The following CHCHD3 variants were observed in gnomAD, a reference collection of about 807,000 sequenced individuals.
The protein encoded by CHCHD3 is coiled-coil-helix-coiled-coil-helix domain containing 3.
Under a neutral mutation model 38.2 loss-of-function variants are expected in CHCHD3, and 20 were observed. The observed-to-expected ratio is 0.52, with a 90% confidence interval of 0.37 to 0.76. The LOEUF is 0.76. Among genes scored for constraint, CHCHD3 ranks in the 30% least tolerant of loss-of-function variants. The pLI is 0.00. For synonymous variants in CHCHD3, 82 were observed against 100.0 expected (o/e 0.82, Z 1.07); for missense variants, 245 against 279.2 (o/e 0.88, Z 0.87).
chr7:132,839,858 G>A (rs925672744), intron 5 of CHCHD3, among the ~76,000 whole-genome samples: 8 of 152,138 alleles, frequency 5.3e-5, no homozygotes, highest in African/African-American at 1.9e-4. Flanking sequence ...AGTCCCCTAC[G>A]ATGCTAACAT....
At chr7:132,974,863 G>C (rs1348341742) in intron 4 of CHCHD3, among the ~76,000 whole-genome samples, 2 of 150,132 alleles carry the variant, frequency 1.3e-5, no homozygotes, top group Non-Finnish European at 3.0e-5. Flanking sequence ...GACAGAGCAA[G>C]ACTCCGTCTC....
rs140923350 is a variant in CHCHD3 at position 132,896,449 on chromosome 7, G to A, written c.370-10704C>T. Reference sequence around the variant, plus strand: ...TTCCATTATAACTTACAAGTTTCATGTTACAAAGTAACATGACATTTCAAC... The same window carrying A: ...TTCCATTATAACTTACAAGTTTCATATTACAAAGTAACATGACATTTCAAC... On this transcript the variant is annotated intron_variant, in intron 4 of 7. Coordinates refer to ENST00000262570, the MANE Select transcript of CHCHD3 (RefSeq NM_017812.4). Among the ~76,000 whole-genome samples, 582 of 152,208 alleles carry A rather than the reference G, an allele frequency of 3.8e-3. 5 individuals are homozygous for A. Among genetic ancestry groups the A allele is most frequent in the African/African-American group, 0.014 (567 of 41,534 alleles).
At chr7:132,794,689 G>A (rs1806559789) in intron 7 of CHCHD3, among the ~76,000 whole-genome samples, 1 of 152,126 alleles carries the variant, frequency 6.6e-6, no homozygotes, top group African/African-American at 2.4e-5. Flanking sequence ...AAAAAAGAGG[G>A]TCTCTTTTGA....
chr7:132,985,207 T>G (rs1333588619), intron 3 of CHCHD3, among the ~76,000 whole-genome samples: 2 of 64,062 alleles, frequency 3.1e-5, no homozygotes, highest in East Asian at 6.9e-4. Context: ...GGTGGGGGGG[T>G]TAGCCCCCCG....
intron 4 of CHCHD3, among the ~76,000 whole-genome samples, chr7:132,930,225 G>A (rs1810483493): frequency 1.4e-5 from 2 of 146,924 alleles, no homozygotes; most frequent in Non-Finnish European, 1.5e-5. Context: ...GGAGTGCAGT[G>A]GTGCAATCTC....
intron 5 of CHCHD3, among the ~76,000 whole-genome samples, chr7:132,842,285 T>C (rs765787323): frequency 9.2e-5 from 14 of 152,284 alleles, no homozygotes; most frequent in Non-Finnish European, 1.6e-4. Context: ...AATACTAAAC[T>C]GTTGCAGTGT....
chr7:133,039,745 A>T (rs535522342), intron 2 of CHCHD3, among the ~76,000 whole-genome samples: 1 of 152,318 alleles, frequency 6.6e-6, no homozygotes, highest in East Asian at 1.9e-4. Flanking sequence ...CCCTCCAATA[A>T]CTGAAACTCA....
chr7:132,818,224 C>T (rs1363933228), intron 6 of CHCHD3, among the ~76,000 whole-genome samples: 1 of 152,206 alleles, frequency 6.6e-6, no homozygotes, highest in Admixed American at 6.5e-5. Flanking sequence ...TACAGCCTGC[C>T]TGACAATAAA....
chr7:133,022,328 T>A, intron 3 of CHCHD3: 5 of 454,604 alleles, frequency 1.1e-5, no homozygotes, highest in South Asian at 7.8e-5. Context: ...ATATACCATA[T>A]GAGTAACAGT....
intron 5 of CHCHD3, among the ~76,000 whole-genome samples, chr7:132,870,336 C>G (rs1034865440): frequency 7.7e-6 from 1 of 130,144 alleles, no homozygotes; most frequent in Admixed American, 9.7e-5. Flanking sequence ...GGTGACACTG[C>G]GAGACCTATC....
chr7:133,035,342 G>T lies in CHCHD3; in HGVS notation c.170-10715C>A. 6.2e-7 allele frequency: 1 copy of T among 1,610,278 alleles called. No homozygotes were observed. Among genetic ancestry groups the T allele is most frequent in the Non-Finnish European group, 8.5e-7 (1 of 1,176,560 alleles). On this transcript the variant is annotated intron_variant, in intron 2 of 7. Coordinates refer to ENST00000262570, the MANE Select transcript of CHCHD3 (RefSeq NM_017812.4). The surrounding 1 kb of genome is among the most constrained non-coding windows in gnomAD (Gnocchi z 4.7). ...CCCGGAACTGGGGCTGGTTAATGCAGGTGAGGAACCAGCGGTTGGTATTGC... is the reference window on the plus strand; with the variant it reads ...CCCGGAACTGGGGCTGGTTAATGCATGTGAGGAACCAGCGGTTGGTATTGC...
At chr7:132,886,397 G>C (rs1809211333) in intron 4 of CHCHD3, among the ~76,000 whole-genome samples, 1 of 151,328 alleles carries the variant, frequency 6.6e-6, no homozygotes, top group African/African-American at 2.4e-5. Context: ...TAATATTTTT[G>C]GTTCTTTAAA....
At position 132,838,942 on chromosome 7, in the gene CHCHD3, G is replaced by C. The variant is rs534369452; in HGVS notation, c.454-473C>G. Among the ~76,000 whole-genome samples the C allele has an allele frequency of 3.3e-5, 5 of 152,156 alleles. No individual in the cohort carries two copies. In the South Asian group the frequency reaches 6.2e-4, roughly 19 times the overall value. On this transcript the variant is annotated intron_variant, in intron 5 of 7. Coordinates refer to ENST00000262570, the MANE Select transcript of CHCHD3 (RefSeq NM_017812.4). ...GGTATGGCTCATGCCTATAATCCCAGCACTTTGGGAGGCCGAGGTGGGCGG... is the reference window on the plus strand; with the variant it reads ...GGTATGGCTCATGCCTATAATCCCACCACTTTGGGAGGCCGAGGTGGGCGG...
chr7:132,875,411 TA>T (rs1477140247), intron 5 of CHCHD3, among the ~76,000 whole-genome samples: 1 of 152,228 alleles, frequency 6.6e-6, no homozygotes, highest in Non-Finnish European at 1.5e-5. Context: ...GGAACTTACC[TA>T]TTTAATGTTT....
At chr7:132,907,390 A>G (rs2117213464) in intron 4 of CHCHD3, among the ~76,000 whole-genome samples, 1 of 152,318 alleles carries the variant, frequency 6.6e-6, no homozygotes, top group Middle Eastern at 3.4e-3. Context: ...ATAATATACA[A>G]TAAGGACAGT....
chr7:132,847,294 A>C (rs1808099409), intron 5 of CHCHD3: 1 of 152,264 alleles, frequency 6.6e-6, no homozygotes, highest in African/African-American at 2.4e-5. Context: ...AGAAGAAGGA[A>C]GAAAGAATTT....
chr7:132,945,781 G>A (rs1003288035), intron 4 of CHCHD3, among the ~76,000 whole-genome samples: 1 of 151,898 alleles, frequency 6.6e-6, no homozygotes, highest in Non-Finnish European at 1.5e-5. Flanking sequence ...CACACAGGAG[G>A]TGCTCACAAG....
intron 3 of CHCHD3, among the ~76,000 whole-genome samples, chr7:132,976,295 AAGAC>A (rs1811767403): frequency 6.6e-6 from 1 of 152,194 alleles, no homozygotes; most frequent in Admixed American, 6.5e-5. Context: ...CTAGCAAACT[AAGAC>A]AGGAGAATCT....
At chr7:132,898,359 G>T (rs1173061679) in intron 4 of CHCHD3, among the ~76,000 whole-genome samples, 1 of 152,212 alleles carries the variant, frequency 6.6e-6, no homozygotes, top group Non-Finnish European at 1.5e-5. Context: ...CAATCCCTGA[G>T]CTAGACACAA....
Sources: allele counts gnomAD v4.1 joint callset (sites outside exome capture counted in the v4.1 genomes callset), GRCh38; gene constraint gnomAD v4.1.1; non-coding constraint Gnocchi (gnomAD v3.1); transcripts MANE v1.5; gene names NCBI Gene and HGNC (gene_info 2026-07-23, HGNC 2026-07-21).